CHTF18: variants seen among roughly 807,000 people sequenced by gnomAD.
CHTF18 encodes chromosome transmission fidelity factor 18, also known as chromosome transmission fidelity protein 18 homolog.
A neutral mutation model predicts 113.4 loss-of-function variants in CHTF18; 151 were observed. That is an observed-to-expected ratio of 1.33 (90% CI 1.17 to 1.52). The LOEUF (loss-of-function observed/expected upper bound fraction) is 1.52. Among genes scored for constraint, CHTF18 ranks in the 40% most tolerant of loss-of-function variants. The pLI, the probability that CHTF18 is intolerant of heterozygous loss-of-function variation, is 0.00. For missense variants in CHTF18, 1,982 were observed against 1,381.6 expected, an observed-to-expected ratio of 1.43 and a Z score of -6.89; for synonymous variants, 916 against 598.8, an observed-to-expected ratio of 1.53 and a Z score of -7.74.
At position 794,060 on chromosome 16, in the gene CHTF18, T is replaced by A; in HGVS notation, c.1809T>A (p.Arg603=). The part of the protein sequence containing the change: ...VFQLPRAQRR[R]VGQDPALPAD... Reference sequence around the variant, plus strand: ...TTCAGCACCCCACCTGCAGGCGCCGTGTGGGCCAGGACCCCGCCCTGCCTG... The same window carrying A: ...TTCAGCACCCCACCTGCAGGCGCCGAGTGGGCCAGGACCCCGCCCTGCCTG... The change falls in exon 15 of 22, where the codon CGT becomes CGA. Residue 603 remains arginine, a synonymous_variant. Coordinates refer to ENST00000262315, the MANE Select transcript of CHTF18 (RefSeq NM_022092.3). The A allele has an allele frequency of 6.2e-7, 1 of 1,610,328 alleles. No individual in the cohort carries two copies. Among genetic ancestry groups the A allele is most frequent in the African/African-American group, 1.3e-5 (1 of 74,930 alleles).
chr16:795,348 C>T lies in CHTF18; in HGVS notation c.2167C>T (p.Gln723Ter), dbSNP rs1452061623. 2 of 1,547,564 alleles carry T rather than the reference C, an allele frequency of 1.3e-6. No individual in the cohort carries two copies. The highest frequency in any genetic ancestry group is 1.7e-6 in the Non-Finnish European group (2 of 1,146,396). Residue 723 changes from glutamine (Q) to a stop codon, truncating the protein, a stop_gained, in exon 16 of 22, where the codon CAG (glutamine) becomes TAG (stop). Transcript: ENST00000262315. LOFTEE classifies it high-confidence loss of function. ...ACCCAGGATCACCTTCCCCAGCAGC[C>T]AGCAGGAGGTGTGCTCGTCCCTGCA... Reference protein sequence around the residue: ...HTPRITFPSSQQEAQNRMSQM... With the variant: ...HTPRITFPSS
Position 789,915 on chromosome 16 carries a change from A to G in CHTF18, c.606+200A>G, listed in dbSNP as rs560608397. 2.0e-5 allele frequency: 30 copies of G among 1,463,456 alleles called. No individual in the cohort carries two copies. The African/African-American group carries it at 2.8e-4, about 14-fold the overall frequency. 90.7% of individuals were successfully genotyped at this position (1,463,456 alleles called of 1,614,324 possible). On this transcript the variant is annotated intron_variant, in intron 4 of 21. Coordinates refer to ENST00000262315, the MANE Select transcript of CHTF18 (RefSeq NM_022092.3). ...GCAGGTTGCTGTCCAGCCTGTTTGT[A>G]TGGCCTCGGGTGGAGAGGGCCTCCT... is the stretch of plus-strand genomic sequence containing the variant.
At chr16:794,978 C>T (rs370861315) in intron 15 of CHTF18, 154 bp from the exon 16 acceptor site, 25 of 633,986 alleles carry the variant, frequency 3.9e-5, no homozygotes, top group East Asian at 2.5e-4. Context: ...GCCTCAGACG[C>T]CCAGCGTCGT....
chr16:789,817 T>G (rs376578466), intron 4 of CHTF18, 102 bp downstream of exon 4: 5 of 1,399,344 alleles, frequency 3.6e-6, no homozygotes, highest in Non-Finnish European at 4.8e-6. Context: ...GCGGGTCCTG[T>G]GCAGAGCCCC....
At chr16:790,504 T>A (rs997780432) in intron 6 of CHTF18, 21 bp from the exon 7 acceptor site, 4 of 1,604,412 alleles carry the variant, frequency 2.5e-6, no homozygotes, top group South Asian at 2.2e-5. Context: ...TGTTTGTGGC[T>A]CAGGACGTGG....
rs1204332764 is a variant in CHTF18 at position 796,813 on chromosome 16, G to C, written c.2553G>C (p.Glu851Asp). The stretch of plus-strand genomic sequence containing the variant: ...TCATCGCCCGCGAGATCGAGGTGGA[G>C]AAGATGCGGCGGGCGGAGGCTTCTG... ...KQLIAREIEV[E>D]KMRRAEASAR... The change falls in exon 19 of 22, where the codon GAG (glutamate) becomes GAC (aspartate). Residue 851 changes from glutamate (E) to aspartate (D), a missense_variant. Physicochemically the swap from Glu to Asp is conservative, Grantham distance 45. Transcript: ENST00000262315. 6.2e-7 allele frequency: 1 copy of C among 1,611,474 alleles called. No individual in the cohort carries two copies. The highest frequency in any genetic ancestry group is 8.5e-7 in the Non-Finnish European group (1 of 1,179,586).
At position 795,148 on chromosome 16, in the gene CHTF18, T is replaced by G. The variant is rs2042301327; in HGVS notation, c.1967T>G (p.Phe656Cys). Residue 656 changes from phenylalanine (F) to cysteine (C), a missense_variant, in exon 16 of 22, where the codon TTC (phenylalanine) becomes TGC (cysteine). Transcript: ENST00000262315. ...CGCCTGCAGGGCTTGTTTGACAACT[T>G]CCTGCGTCTGCGGCTGCGAGACTCC... ...EKVVQGLFDN[F>C]LRLRLRDSSL... 1.9e-6 allele frequency: 3 copies of G among 1,550,652 alleles called. No individual in the cohort carries two copies. The highest frequency in any genetic ancestry group is 1.7e-6 in the Non-Finnish European group (2 of 1,147,494).
Position 790,558 on chromosome 16 carries a change from C to T in CHTF18, c.786C>T (p.Pro262=), listed in dbSNP as rs1248831034. ...LRSGEEEAAQ[P]LGAPEEEPTD... ...CGGGGGAGGAGGAGGCAGCCCAGCC[C>T]TTGGGGGCCCCTGAGGAGGAGCCGA... The change falls in exon 7 of 22, where the codon CCC becomes CCT. Residue 262 remains proline (P), a synonymous_variant. Transcript: ENST00000262315. The T allele has an allele frequency of 1.1e-5, 18 of 1,597,280 alleles. No homozygotes were observed. Among genetic ancestry groups the T allele is most frequent in the Admixed American group, 3.5e-5 (2 of 57,390 alleles).
chr16:794,193 G>T lies in CHTF18; in HGVS notation c.1942G>T (p.Val648Leu). The T allele has an allele frequency of 6.2e-7, 1 of 1,611,326 alleles. No individual in the cohort carries two copies. The highest frequency in any genetic ancestry group is 1.3e-5 in the African/African-American group (1 of 75,048). ...AAASAGEHEK[V>L]VQGLFDNFLR... is the part of the protein sequence containing the mutation. Reference sequence around the variant, plus strand: ...TGCCTCTGCGGGCGAGCACGAGAAGGTGGTCCAGGTACCTGTCTTCCACCA... The same window carrying T: ...TGCCTCTGCGGGCGAGCACGAGAAGTTGGTCCAGGTACCTGTCTTCCACCA... Residue 648 changes from valine (V) to leucine (L), a missense_variant, in exon 15 of 22, where the codon GTG (valine) becomes TTG (leucine). Val to Leu is a conservative substitution (Grantham distance 32). Coordinates refer to ENST00000262315, the MANE Select transcript of CHTF18 (RefSeq NM_022092.3).
chr16:790,526 CT>C lies in CHTF18; in HGVS notation c.755del (p.Leu252ProfsTer57), dbSNP rs1567394172. On this transcript the variant is annotated frameshift_variant and splice_region_variant, in exon 7 of 22. Transcript: ENST00000262315. LOFTEE classifies it high-confidence loss of function. ...GGCTCAGGACGTGGTCCTCTCCAGT[CT>C]CAGGTCGGGGGAGGAGGAGGCAGCC... ...AQKLSDTLHS[L>X]RSGEEEAAQP... 1 of 1,601,380 alleles carries C rather than the reference CT, an allele frequency of 6.2e-7. No homozygotes were observed. The highest frequency in any genetic ancestry group is 1.3e-5 in the African/African-American group (1 of 74,576).
chr16:795,676 CT>C lies in CHTF18; in HGVS notation c.2176-8del, dbSNP rs779955237. 1.3e-6 allele frequency: 2 copies of C among 1,584,548 alleles called. No homozygotes were observed. Among genetic ancestry groups the C allele is most frequent in the South Asian group, 1.1e-5 (1 of 89,144 alleles). On this transcript the variant is annotated splice_polypyrimidine_tract_variant and splice_region_variant and intron_variant, in intron 16 of 21. Coordinates refer to ENST00000262315, the MANE Select transcript of CHTF18 (RefSeq NM_022092.3). Reference sequence around the variant, plus strand: ...AGGTGACCAGGCCTTGGCTCACCCCCTGCCCCAGGCCCAGAACCGGATGAGC... The same window carrying C: ...AGGTGACCAGGCCTTGGCTCACCCCCGCCCCAGGCCCAGAACCGGATGAGC...
intron 4 of CHTF18, chr16:789,936 C>G (rs561246825): frequency 6.0e-6 from 9 of 1,495,700 alleles, no homozygotes; most frequent in African/African-American, 1.5e-5. Context: ...TGGAGAGGGC[C>G]TCCTTGCTTC....
At position 788,671 on chromosome 16, in the gene CHTF18, G is replaced by T; in HGVS notation, c.-14G>T. On this transcript the variant is annotated 5_prime_UTR_variant, in exon 1 of 22. Transcript: ENST00000262315. The stretch of plus-strand genomic sequence containing the variant: ...GCGGGAGGTTCGGAGCGGGAGCTCG[G>T]GCTCGCGGACGGTATGGAGGACTAC... 6.6e-7 allele frequency: 1 copy of T among 1,525,428 alleles called. No individual in the cohort carries two copies. Among genetic ancestry groups the T allele is most frequent in the African/African-American group, 1.4e-5 (1 of 69,758 alleles). The allele number at this position is 1,525,428 out of a possible 1,614,324, so 94.5% of individuals were successfully genotyped here.
At chr16:796,539 G>A (rs1216793303) in intron 18 of CHTF18, 178 bp from the exon 19 acceptor site, 5 of 682,906 alleles carry the variant, frequency 7.3e-6, no homozygotes, top group Non-Finnish European at 1.2e-5. Flanking sequence ...GGGAAACTGA[G>A]GCTCGGGGCA....
chr16:791,746 A>G, intron 8 of CHTF18, 105 bp from the exon 9 acceptor site: 2 of 1,472,162 alleles, frequency 1.4e-6, no homozygotes, highest in Admixed American at 2.5e-5. Context: ...AGTGGGGTGG[A>G]GGGAGCGCCC....
intron 20 of CHTF18, 106 bp downstream of exon 20, chr16:797,198 G>A: frequency 7.5e-7 from 1 of 1,339,458 alleles, no homozygotes; most frequent in South Asian, 1.7e-5. Flanking sequence ...TGGGGCCAGG[G>A]TACCTTTGTG....
rs746704649 is a variant in CHTF18 at position 793,042 on chromosome 16, G to T, written c.1649G>T (p.Arg550Leu). Reference protein sequence around the residue: ...ALCEKTDNDIRACINTLQFLY... With the variant: ...ALCEKTDNDILACINTLQFLY... The stretch of plus-strand genomic sequence containing the variant: ...TGTGAGAAAACTGACAATGACATCC[G>T]GGCCTGCATCAACACCCTGCAGGTG... Residue 550 changes from arginine to leucine, a missense_variant, in exon 13 of 22, where the codon CGG becomes CTG. Coordinates refer to ENST00000262315, the MANE Select transcript of CHTF18 (RefSeq NM_022092.3). 1 of 1,562,586 alleles carries T rather than the reference G, an allele frequency of 6.4e-7. No individual in the cohort carries two copies. The highest frequency in any genetic ancestry group is 8.7e-7 in the Non-Finnish European group (1 of 1,154,022).
At position 790,516 on chromosome 16, in the gene CHTF18, C is replaced by T. The variant is rs754451005; in HGVS notation, c.753-9C>T. On this transcript the variant is annotated splice_polypyrimidine_tract_variant and intron_variant, in intron 6 of 21. Transcript: ENST00000262315. Reference sequence around the variant, plus strand: ...AGTTGTTTGTGGCTCAGGACGTGGTCCTCTCCAGTCTCAGGTCGGGGGAGG... The same window carrying T: ...AGTTGTTTGTGGCTCAGGACGTGGTTCTCTCCAGTCTCAGGTCGGGGGAGG... 2.1e-5 allele frequency: 34 copies of T among 1,602,848 alleles called. No homozygotes were observed. Among genetic ancestry groups the T allele is most frequent in the Non-Finnish European group, 2.6e-5 (30 of 1,175,610 alleles).
rs201167496 is a variant in CHTF18 at position 792,800 on chromosome 16, C to T, written c.1561C>T (p.Arg521Trp). 1.7e-5 allele frequency: 26 copies of T among 1,541,526 alleles called. No homozygotes were observed. The highest frequency in any genetic ancestry group is 5.9e-5 in the Admixed American group (3 of 51,202). ...GACTCTGCCCTCGAGGCTGGTGCAG[C>T]GGCTCCAGGAGGTCGGTGGAGCCCC... is the stretch of plus-strand genomic sequence containing the variant. ...PPTLPSRLVQRLQEVSLRQGM... is the reference protein window; with the variant it reads ...PPTLPSRLVQWLQEVSLRQGM... The change falls in exon 12 of 22, where the codon CGG (arginine) becomes TGG (tryptophan). Residue 521 changes from arginine to tryptophan, a missense_variant. Coordinates refer to ENST00000262315, the MANE Select transcript of CHTF18 (RefSeq NM_022092.3).
Sources: allele counts gnomAD v4.1 joint callset, GRCh38; gene constraint gnomAD v4.1.1; transcripts MANE v1.5; gene names NCBI Gene and HGNC (gene_info 2026-07-23, HGNC 2026-07-21).